The following C12orf42 variants were observed in gnomAD, a reference collection of about 807,000 sequenced individuals.
C12orf42 encodes the protein chromosome 12 open reading frame 42.
C12orf42 carries 25 observed loss-of-function variants against 21.6 expected under a neutral mutation model. That is an observed-to-expected ratio of 1.16 (90% CI 0.84 to 1.62). C12orf42 has a LOEUF of 1.62. C12orf42 is among the 40% of genes most tolerant of loss of function. C12orf42 has a pLI of 0.00. For missense variants in C12orf42, 483 were observed against 459.3 expected (o/e 1.05, Z -0.47); for synonymous variants, 174 against 175.0 (o/e 0.99, Z 0.05).
the C12orf42 span, among the ~76,000 whole-genome samples, chr12:103,195,171 C>A: frequency 7.9e-5 from 12 of 152,226 alleles, no homozygotes; most frequent in East Asian, 2.3e-3. Context: ...GCATATGTAC[C>A]ACATTTTCTT....
the C12orf42 span, among the ~76,000 whole-genome samples, chr12:103,208,228 G>T: frequency 6.6e-5 from 10 of 152,302 alleles, no homozygotes; most frequent in African/African-American, 2.4e-4. Context: ...CAAATGAAGA[G>T]GGGCTGGCCC....
intron 3 of C12orf42, among the ~76,000 whole-genome samples, chr12:103,382,924 A>G (rs978098986): frequency 9.9e-5 from 15 of 152,126 alleles, no homozygotes; most frequent in South Asian, 8.3e-4. Context: ...TCACTGATTA[A>G]CCCAACAAAC....
chr12:103,317,533 T>C (rs1371419220), intron 4 of C12orf42, among the ~76,000 whole-genome samples: 1 of 152,218 alleles, frequency 6.6e-6, no homozygotes, highest in African/African-American at 2.4e-5. Context: ...AAACATGAGA[T>C]ATAATTTTAA....
chr12:103,178,263 C>T, the C12orf42 span: 1 of 152,180 alleles, frequency 6.6e-6, no homozygotes, highest in Admixed American at 6.5e-5. Flanking sequence ...CTTTTCTACC[C>T]ACCCCCAACT....
the C12orf42 span, among the ~76,000 whole-genome samples, chr12:103,157,311 G>A: frequency 6.6e-6 from 1 of 152,004 alleles, no homozygotes; most frequent in East Asian, 1.9e-4. Context: ...TCCACTTTTT[G>A]ATGGAGTTGT....
At chr12:103,524,343 G>A in the C12orf42 span, among the ~76,000 whole-genome samples, 1 of 152,192 alleles carries the variant, frequency 6.6e-6, no homozygotes, top group African/African-American at 2.4e-5. Flanking sequence ...GGCAAGAACA[G>A]ATTCCCATCG....
intron 4 of C12orf42, among the ~76,000 whole-genome samples, chr12:103,312,996 T>C (rs571912473): frequency 7.9e-5 from 12 of 152,368 alleles, no homozygotes; most frequent in African/African-American, 2.9e-4. Context: ...CCACTTCTTG[T>C]AGCTATCCCT....
At chr12:103,322,940 G>A (rs916959715) in intron 4 of C12orf42, among the ~76,000 whole-genome samples, 2 of 152,110 alleles carry the variant, frequency 1.3e-5, no homozygotes, top group Admixed American at 6.5e-5. Context: ...AATAATGCAT[G>A]ATTGCATATT....
chr12:103,095,721 T>A, the C12orf42 span, among the ~76,000 whole-genome samples: 93 of 152,314 alleles, frequency 6.1e-4, no homozygotes, highest in African/African-American at 2.2e-3. Context: ...AATTGTTGTG[T>A]CCTAAGAGCT....
the C12orf42 span, among the ~76,000 whole-genome samples, chr12:103,165,958 TGAACCCGG>T: frequency 1.3e-5 from 2 of 151,170 alleles, no homozygotes; most frequent in South Asian, 4.2e-4. Context: ...GAGAATGGCG[TGAACCCGG>T]GAGGGGGAGG....
At chr12:103,319,500 A>T (rs2039872123) in intron 4 of C12orf42, among the ~76,000 whole-genome samples, 1 of 152,242 alleles carries the variant, frequency 6.6e-6, no homozygotes, top group East Asian at 1.9e-4. Flanking sequence ...ACCCATGCTG[A>T]GTTTTTGCAT....
chr12:103,249,320 C>CT (rs1410382144), intron 10 of C12orf42, among the ~76,000 whole-genome samples: 1 of 151,908 alleles, frequency 6.6e-6, no homozygotes, highest in Non-Finnish European at 1.5e-5. Flanking sequence ...AAAGGCAGGA[C>CT]TTAAAGAGTA....
chr12:103,065,846 G>A, the C12orf42 span, among the ~76,000 whole-genome samples: 43 of 152,352 alleles, frequency 2.8e-4, no homozygotes, highest in South Asian at 8.1e-3. Context: ...TCATTTGGGT[G>A]TGTTACTTTG....
chr12:103,398,014 G>C (rs1686717747), intron 3 of C12orf42, among the ~76,000 whole-genome samples: 1 of 152,016 alleles, frequency 6.6e-6, no homozygotes, highest in Non-Finnish European at 1.5e-5. Flanking sequence ...GCATTAAACA[G>C]AATATCACAT....
the C12orf42 span, among the ~76,000 whole-genome samples, chr12:103,190,622 A>G: frequency 5.7e-3 from 872 of 152,352 alleles, no homozygotes; most frequent in Non-Finnish European, 9.1e-3. Context: ...GAAAAATGCC[A>G]TATAGGGCTT....
At chr12:103,096,154 G>A in the C12orf42 span, among the ~76,000 whole-genome samples, 1 of 152,056 alleles carries the variant, frequency 6.6e-6, no homozygotes, top group East Asian at 1.9e-4. Context: ...TGAGTTTTTG[G>A]CCATTGCTGC....
intron 2 of C12orf42, among the ~76,000 whole-genome samples, chr12:103,451,364 C>T (rs1194270900): frequency 5.0e-5 from 2 of 39,958 alleles, no homozygotes; most frequent in Non-Finnish European, 5.8e-5. Flanking sequence ...GTAGCTGTGA[C>T]CACAAGTGTG....
chr12:103,145,275 T>C, the C12orf42 span, among the ~76,000 whole-genome samples: 8 of 152,210 alleles, frequency 5.3e-5, no homozygotes, highest in Non-Finnish European at 8.8e-5. Context: ...CAAAGGTAAT[T>C]CTTAAGAGTT....
the C12orf42 span, among the ~76,000 whole-genome samples, chr12:103,534,629 C>T: frequency 2.0e-5 from 3 of 152,026 alleles, no homozygotes; most frequent in East Asian, 3.9e-4. Flanking sequence ...AGAAACTTAC[C>T]GTATGATTGG....
Sources: allele counts gnomAD v4.1 joint callset (sites outside exome capture counted in the v4.1 genomes callset), GRCh38; gene constraint gnomAD v4.1.1; transcripts MANE v1.5; gene names NCBI Gene and HGNC (gene_info 2026-07-23, HGNC 2026-07-21).